DLGAP1: variants seen among roughly 807,000 people sequenced by gnomAD.
DLGAP1 encodes DLG associated protein 1.
Under a neutral mutation model 90.8 loss-of-function variants are expected in DLGAP1, and 11 were observed. That is an observed-to-expected ratio of 0.12 (90% CI 0.08 to 0.20). The LOEUF (loss-of-function observed/expected upper bound fraction) is 0.20, where lower values mean the gene tolerates loss of function less well. DLGAP1 is among the 10% of genes least tolerant of loss of function. The pLI, the probability that DLGAP1 is intolerant of heterozygous loss-of-function variation, is 1.00. For synonymous variants in DLGAP1, 558 were observed against 540.7 expected (o/e 1.03, Z -0.44); for missense variants, 1,050 against 1,333.8 (o/e 0.79, Z 3.31).
intron 5 of DLGAP1, among the ~76,000 whole-genome samples, chr18:3,805,064 T>A (rs917138152): frequency 5.9e-5 from 9 of 152,214 alleles, no homozygotes; most frequent in Non-Finnish European, 1.3e-4. Context: ...ACTACTATAA[T>A]ATATCCCAAT....
chr18:3,739,457 T>C (rs2062806535), intron 6 of DLGAP1, among the ~76,000 whole-genome samples: 1 of 145,462 alleles, frequency 6.9e-6, no homozygotes, highest in African/African-American at 2.7e-5. Flanking sequence ...TAAAAAATGA[T>C]GAGTTCATGT....
At chr18:3,968,039 GATAAA>G (rs2073366548) in intron 3 of DLGAP1, among the ~76,000 whole-genome samples, 1 of 152,046 alleles carries the variant, frequency 6.6e-6, no homozygotes, top group Non-Finnish European at 1.5e-5. Flanking sequence ...ACTCTTCACA[GATAAA>G]ATAAGTTATT....
intron 7 of DLGAP1, among the ~76,000 whole-genome samples, chr18:3,602,574 G>C (rs28629224): frequency 0.024 from 2,895 of 121,058 alleles, 88 homozygotes; most frequent in African/African-American, 0.079. Flanking sequence ...CAGCCTGGGC[G>C]ACAGAGCGAG....
chr18:4,186,513 C>A (rs528248196), intron 1 of DLGAP1, among the ~76,000 whole-genome samples: 1 of 152,144 alleles, frequency 6.6e-6, no homozygotes, highest in Non-Finnish European at 1.5e-5. Context: ...GTTATCCCAA[C>A]GCCATTTGTT....
intron 1 of DLGAP1, among the ~76,000 whole-genome samples, chr18:4,278,377 G>A (rs921658086): frequency 6.6e-6 from 1 of 152,080 alleles, no homozygotes; most frequent in African/African-American, 2.4e-5. Flanking sequence ...GGCTTCTAGA[G>A]AACCATCACT....
intron 1 of DLGAP1, among the ~76,000 whole-genome samples, chr18:4,367,410 A>T (rs1205602012): frequency 6.6e-6 from 1 of 152,032 alleles, no homozygotes; most frequent in Non-Finnish European, 1.5e-5. Context: ...CATCTTACCA[A>T]GTAAGTTTTC....
At chr18:4,274,678 T>C (rs2079369408) in intron 1 of DLGAP1, among the ~76,000 whole-genome samples, 1 of 152,250 alleles carries the variant, frequency 6.6e-6, no homozygotes, top group East Asian at 1.9e-4. Context: ...CTTGCACTTG[T>C]AATTTAATAG....
chr18:3,688,614 G>GAC lies in DLGAP1; in HGVS notation c.1591+40519_1591+40520dup, dbSNP rs60415611. Among the ~76,000 whole-genome samples the GAC allele has an allele frequency of 4.2e-3, 419 of 100,718 alleles. 4 individuals are homozygous for GAC. Among genetic ancestry groups the GAC allele is most frequent in the African/African-American group, 0.014 (291 of 20,112 alleles). 66.1% of individuals were successfully genotyped at this position (100,718 alleles called of 152,430 possible). On this transcript the variant is annotated intron_variant, in intron 7 of 12. Coordinates refer to ENST00000315677, the MANE Select transcript of DLGAP1 (RefSeq NM_004746.4). ...AGATATATTCTAGGTATTAAAAAAA[G>GAC]ACACACACACACACACACACACACA...
rs530720479 is a variant in DLGAP1 at position 4,263,036 on chromosome 18, G to C, written c.-266-111749C>G. 5.3e-5 allele frequency among the ~76,000 whole-genome samples: 8 copies of C among 152,134 alleles called. No individual in the cohort carries two copies. In the South Asian group the frequency reaches 1.0e-3, roughly 20 times the overall value. On this transcript the variant is annotated intron_variant, in intron 1 of 12. Coordinates refer to ENST00000315677, the MANE Select transcript of DLGAP1 (RefSeq NM_004746.4). The stretch of plus-strand genomic sequence containing the variant: ...TAATCTCTGCCTCCCGTGTTCAAGC[G>C]ATTCTCCTGCCTCAAGCCTCCGGAG...
intron 1 of DLGAP1, among the ~76,000 whole-genome samples, chr18:4,311,493 T>C (rs1401656084): frequency 1.3e-5 from 2 of 152,174 alleles, no homozygotes; most frequent in East Asian, 3.8e-4. Context: ...GTTTTTAATA[T>C]CTTTTAGTAA....
At chr18:3,553,815 G>T (rs766001710) in intron 9 of DLGAP1, among the ~76,000 whole-genome samples, 7 of 152,112 alleles carry the variant, frequency 4.6e-5, no homozygotes, top group Non-Finnish European at 8.8e-5. Flanking sequence ...TTACAAGCGT[G>T]AGCCACCACG....
At chr18:4,249,928 C>T (rs1332830021) in intron 1 of DLGAP1, among the ~76,000 whole-genome samples, 1 of 152,218 alleles carries the variant, frequency 6.6e-6, no homozygotes, top group Admixed American at 6.5e-5. Flanking sequence ...TATTTATAAA[C>T]TCTTCTCTCT....
intron 2 of DLGAP1, among the ~76,000 whole-genome samples, chr18:4,090,339 A>G (rs1310875998): frequency 6.6e-6 from 1 of 152,170 alleles, no homozygotes; most frequent in African/African-American, 2.4e-5. Context: ...AATTTTTGCA[A>G]TCTATTCATC....
intron 1 of DLGAP1, among the ~76,000 whole-genome samples, chr18:4,182,996 G>A (rs548097971): frequency 6.6e-6 from 1 of 152,222 alleles, no homozygotes; most frequent in East Asian, 1.9e-4. Flanking sequence ...TCCTTAAAAT[G>A]GCAATTATAA....
At chr18:3,693,668 C>G (rs1055119416) in intron 7 of DLGAP1, among the ~76,000 whole-genome samples, 7 of 152,114 alleles carry the variant, frequency 4.6e-5, no homozygotes, top group Non-Finnish European at 8.8e-5. Flanking sequence ...ACCATAAATT[C>G]TCTATGATTT....
At chr18:3,776,454 G>C (rs1255953641) in intron 5 of DLGAP1, among the ~76,000 whole-genome samples, 4 of 152,116 alleles carry the variant, frequency 2.6e-5, no homozygotes, top group African/African-American at 4.8e-5. Context: ...ATGGGCCTCA[G>C]TCTAGATCCA....
intron 3 of DLGAP1, among the ~76,000 whole-genome samples, chr18:3,905,078 C>A (rs148282051): frequency 1.1e-3 from 174 of 151,340 alleles, no homozygotes; most frequent in African/African-American, 4.2e-3. Flanking sequence ...TTGAAATGTA[C>A]CTGAATAGGC....
intron 2 of DLGAP1, among the ~76,000 whole-genome samples, chr18:4,031,259 G>GA (rs960209654): frequency 2.0e-5 from 3 of 149,270 alleles, no homozygotes; most frequent in Admixed American, 6.6e-5. Context: ...AGTCTGGTTT[G>GA]AAAAAAAAAG....
intron 4 of DLGAP1, among the ~76,000 whole-genome samples, chr18:3,863,725 C>G (rs1426244068): frequency 6.6e-6 from 1 of 152,180 alleles, no homozygotes; most frequent in Non-Finnish European, 1.5e-5. Flanking sequence ...AGGTTTCTTC[C>G]CCAGGGCCCG....
Sources: allele counts gnomAD v4.1 joint callset (sites outside exome capture counted in the v4.1 genomes callset), GRCh38; gene constraint gnomAD v4.1.1; transcripts MANE v1.5; gene names NCBI Gene and HGNC (gene_info 2026-07-23, HGNC 2026-07-21).